DNAH5: variants seen among roughly 807,000 people sequenced by gnomAD.
DNAH5 encodes the protein dynein axonemal heavy chain 5.
DNAH5 carries 372 observed loss-of-function variants against 518.2 expected under a neutral mutation model. The ratio of observed to expected loss-of-function variants is 0.72; its 90% CI spans 0.66 to 0.78. The LOEUF (loss-of-function observed/expected upper bound fraction) is 0.78. Among genes scored for constraint, DNAH5 ranks in the 30% least tolerant of loss-of-function variants. The pLI is 0.00. For missense variants in DNAH5, 5,523 were observed against 5,687.0 expected, an observed-to-expected ratio of 0.97 and a Z score of 0.93; for synonymous variants, 2,039 against 2,025.9, an observed-to-expected ratio of 1.01 and a Z score of -0.17.
chr5:13,885,582 C>T (rs576555657), intron 18 of DNAH5, among the ~76,000 whole-genome samples: 74 of 152,284 alleles, frequency 4.9e-4, no homozygotes, highest in Non-Finnish European at 7.3e-4. Flanking sequence ...TTCCCTTCTT[C>T]ACATCCACAT....
At chr5:13,801,996 C>T (rs1580322608) in intron 47 of DNAH5, among the ~76,000 whole-genome samples, 3 of 152,040 alleles carry the variant, frequency 2.0e-5, no homozygotes, top group African/African-American at 7.2e-5. Context: ...GCCAAATTCA[C>T]ATTGTGAAAT....
At chr5:13,787,657 T>C (rs1337394614) in intron 51 of DNAH5, among the ~76,000 whole-genome samples, 2 of 151,524 alleles carry the variant, frequency 1.3e-5, no homozygotes, top group Non-Finnish European at 2.9e-5. Flanking sequence ...TGATTATTTA[T>C]CCTTCTGAAT....
chr5:13,739,299 C>A (rs1748052099), intron 65 of DNAH5, among the ~76,000 whole-genome samples: 1 of 152,142 alleles, frequency 6.6e-6, no homozygotes, highest in Admixed American at 6.6e-5. Flanking sequence ...CAGTTTCCCC[C>A]ATGCTGTTCT....
rs1440614964 is a variant in DNAH5 at position 13,870,795 on chromosome 5, G to A, written c.3806C>T (p.Ser1269Phe). 2 of 1,613,674 alleles carry A rather than the reference G, an allele frequency of 1.2e-6. No individual in the cohort carries two copies. Reference protein sequence around the residue: ...ALKEIREEQISIDFQVGPIEE... With the variant: ...ALKEIREEQIFIDFQVGPIEE... ...AATAGGTCCTACTTGAAAGTCAATG[G>A]AGATTTGCTCCTCCCTTATTTCTTT... is the stretch of plus-strand genomic sequence containing the variant. The change falls in exon 24 of 79, where the codon TCC becomes TTC. Residue 1269 changes from serine (S) to phenylalanine (F), a missense_variant. Coordinates refer to ENST00000265104, the MANE Select transcript of DNAH5 (RefSeq NM_001369.3).
chr5:13,753,307 A>G lies in DNAH5; in HGVS notation c.10798T>C (p.Tyr3600His), dbSNP rs373420860. 6 of 1,613,790 alleles carry G rather than the reference A, an allele frequency of 3.7e-6. No homozygotes were observed. The African/African-American group carries it at 8.0e-5, about 22-fold the overall frequency. ...GTCTGTGGATCAATTAACAAAGGGT[A>G]ACGAGATGCCTTCGTGACAATAATT... ...NGIIVTKASRYPLLIDPQTQG... is the reference protein window; with the variant it reads ...NGIIVTKASRHPLLIDPQTQG... The change falls in exon 63 of 79, where the codon TAC (tyrosine) becomes CAC (histidine). Residue 3600 changes from tyrosine to histidine, a missense_variant. Physicochemically the swap from Tyr to His is moderately conservative, Grantham distance 83. Around this residue, in one of 3 missense-constraint regions of DNAH5, gnomAD observed 5,121 missense variants for 5,223.3 expected, o/e 0.98. Coordinates refer to ENST00000265104, the MANE Select transcript of DNAH5 (RefSeq NM_001369.3).
intron 59 of DNAH5, among the ~76,000 whole-genome samples, chr5:13,765,560 A>G (rs1017070741): frequency 6.6e-6 from 1 of 152,212 alleles, no homozygotes. Context: ...ATAGGTATAT[A>G]CATATGTAAA....
chr5:13,962,068 T>G (rs1781222776), intron 1 of DNAH5, among the ~76,000 whole-genome samples: 1 of 152,194 alleles, frequency 6.6e-6, no homozygotes, highest in South Asian at 2.1e-4. Flanking sequence ...ACATATACAA[T>G]TTCATGAGTT....
At chr5:13,905,589 A>G (rs1447767761) in intron 12 of DNAH5, among the ~76,000 whole-genome samples, 1 of 152,234 alleles carries the variant, frequency 6.6e-6, no homozygotes, top group African/African-American at 2.4e-5. Flanking sequence ...AAATATTAGA[A>G]TGGTCAAAAT....
At chr5:13,902,887 T>A (rs1210021766) in intron 12 of DNAH5, among the ~76,000 whole-genome samples, 1 of 152,072 alleles carries the variant, frequency 6.6e-6, no homozygotes, top group Non-Finnish European at 1.5e-5. Context: ...ACAGAAACAC[T>A]TCCAAAGCCC....
intron 3 of DNAH5, among the ~76,000 whole-genome samples, chr5:13,926,817 G>A (rs1777919556): frequency 6.6e-6 from 1 of 152,188 alleles, no homozygotes; most frequent in Admixed American, 6.5e-5. Flanking sequence ...CTCCGTTCAT[G>A]GATAAACTTG....
intron 78 of DNAH5, among the ~76,000 whole-genome samples, chr5:13,700,242 T>C (rs774222318): frequency 6.6e-6 from 1 of 152,138 alleles, no homozygotes; most frequent in Non-Finnish European, 1.5e-5. Context: ...CCCCACCACA[T>C]TGTATATATT....
intron 32 of DNAH5, among the ~76,000 whole-genome samples, chr5:13,842,834 C>T (rs1010656451): frequency 6.6e-6 from 1 of 152,152 alleles, no homozygotes; most frequent in African/African-American, 2.4e-5. Context: ...AACCTTATGG[C>T]AGGAGCAACA....
chr5:13,717,655 G>A, intron 72 of DNAH5, 135 bp from the exon 73 acceptor site: 2 of 806,790 alleles, frequency 2.5e-6, no homozygotes, highest in Non-Finnish European at 4.1e-6. Flanking sequence ...TGACACTCAT[G>A]TGACAATAAT....
intron 1 of DNAH5, among the ~76,000 whole-genome samples, chr5:13,935,614 T>C (rs936934958): frequency 6.6e-6 from 1 of 152,230 alleles, no homozygotes; most frequent in African/African-American, 2.4e-5. Context: ...TTTCATTGCA[T>C]TACACTAAGG....
chr5:13,841,583 T>G, intron 33 of DNAH5, 109 bp downstream of exon 33: 1 of 832,402 alleles, frequency 1.2e-6, no homozygotes, highest in Non-Finnish European at 2.0e-6. Context: ...AAAATCTTAA[T>G]ACTGGTCTAG....
At chr5:13,990,291 G>A (rs1429542568) in intron 1 of DNAH5, among the ~76,000 whole-genome samples, 3 of 151,778 alleles carry the variant, frequency 2.0e-5, no homozygotes, top group Non-Finnish European at 4.4e-5. Flanking sequence ...GGTGGCTCAT[G>A]CCTGTAATCC....
intron 57 of DNAH5, 112 bp from the exon 58 acceptor site, chr5:13,769,248 T>A (rs980487910): frequency 1.2e-5 from 2 of 170,498 alleles, no homozygotes; most frequent in African/African-American, 2.3e-4. Flanking sequence ...AGTTTTGTTG[T>A]TTTTTTTTTT....
At chr5:13,827,804 T>C (rs1416691536) in intron 38 of DNAH5, among the ~76,000 whole-genome samples, 1 of 152,036 alleles carries the variant, frequency 6.6e-6, no homozygotes, top group African/African-American at 2.4e-5. Flanking sequence ...AATTTAATCA[T>C]AGGGGCAGTT....
At chr5:13,872,209 G>A (rs188373928) in intron 22 of DNAH5, among the ~76,000 whole-genome samples, 8 of 152,262 alleles carry the variant, frequency 5.3e-5, no homozygotes, top group African/African-American at 1.7e-4. Context: ...AGCCTCAATG[G>A]GAATCTACTG....
Sources: allele counts gnomAD v4.1 joint callset (sites outside exome capture counted in the v4.1 genomes callset), GRCh38; gene constraint gnomAD v4.1.1; regional missense constraint gnomAD v4.1.1; transcripts MANE v1.5; gene names NCBI Gene and HGNC (gene_info 2026-07-23, HGNC 2026-07-21).